CPLX2: variants seen among roughly 807,000 people sequenced by gnomAD.
CPLX2 encodes the protein complexin 2, also known as complexin-2.
In CPLX2, 5 loss-of-function variants were observed where a neutral mutation model predicts 16.3. The observed-to-expected ratio is 0.31, with a 90% CI of 0.16 to 0.64. CPLX2 has a LOEUF of 0.64. Ranked by LOEUF, CPLX2 falls within the 30% of genes least tolerant of loss-of-function variation. CPLX2 has a pLI of 0.79. For missense variants in CPLX2, 144 were observed against 181.4 expected (o/e 0.79, Z 1.18); for synonymous variants, 89 against 73.2 (o/e 1.22, Z -1.10).
intron 2 of CPLX2, among the ~76,000 whole-genome samples, chr5:175,848,677 G>A (rs1759096181): frequency 6.6e-6 from 1 of 152,168 alleles, no homozygotes; most frequent in Non-Finnish European, 1.5e-5. Context: ...TCCAGACAGT[G>A]GCAAGTACTA....
At chr5:175,847,180 G>T (rs751589321) in intron 2 of CPLX2, among the ~76,000 whole-genome samples, 1 of 152,238 alleles carries the variant, frequency 6.6e-6, no homozygotes. Flanking sequence ...TTCTGAGCAG[G>T]GGAGTGCTGT....
intron 1 of CPLX2, among the ~76,000 whole-genome samples, chr5:175,802,352 T>A (rs372539270): frequency 6.6e-6 from 1 of 152,180 alleles, no homozygotes; most frequent in Non-Finnish European, 1.5e-5. Flanking sequence ...CAAGCATTGC[T>A]GCATAGGGTT....
chr5:175,878,770 G>A lies in CPLX2; in HGVS notation c.31G>A (p.Gly11Arg). The A allele has an allele frequency of 1.2e-6, 2 of 1,613,486 alleles. No individual in the cohort carries two copies. The highest frequency in any genetic ancestry group is 1.7e-6 in the Non-Finnish European group (2 of 1,179,886). MDFVMKQALG[G>R]ATKDMGKMLG... ...CTTCGTCATGAAGCAGGCCCTTGGA[G>A]GTGAGGTCCAGCGCCCCTCCGCGTG... The change falls in exon 2 of 4, where the codon GGG (glycine) becomes AGG (arginine). Residue 11 changes from glycine (G) to arginine (R), a missense_variant and splice_region_variant. Physicochemically the swap from Gly to Arg is moderately radical, Grantham distance 125 (BLOSUM62 -2). Coordinates refer to ENST00000393745, the MANE Select transcript of CPLX2 (RefSeq NM_001008220.2).
At chr5:175,841,727 A>G (rs898567826) in intron 2 of CPLX2, among the ~76,000 whole-genome samples, 2 of 152,084 alleles carry the variant, frequency 1.3e-5, no homozygotes, top group Non-Finnish European at 2.9e-5. Context: ...TTTGCCTTAG[A>G]TCAGATTGGC....
intron 2 of CPLX2, among the ~76,000 whole-genome samples, chr5:175,820,152 T>G (rs564122639): frequency 5.6e-4 from 85 of 152,302 alleles, no homozygotes; most frequent in Non-Finnish European, 1.1e-3. Context: ...ACCCACCGTG[T>G]GGCCCTGGAC....
intron 2 of CPLX2, 61 bp downstream of exon 2, chr5:175,878,831 C>T: frequency 2.5e-6 from 4 of 1,607,644 alleles, no homozygotes; most frequent in Non-Finnish European, 3.4e-6. Context: ...GAGGTGGCCT[C>T]GGCCCACCCG....
rs1016792439 is a variant in CPLX2 at position 175,876,477 on chromosome 5, A to G, written c.-88-2175A>G. 2.0e-5 allele frequency among the ~76,000 whole-genome samples: 3 copies of G among 151,356 alleles called. No individual in the cohort carries two copies. In the South Asian group the frequency reaches 6.3e-4, roughly 32 times the overall value. ...AAAAGAGGAGAGGAGAGGAAACAGT[A>G]AGGGGAAGCAGGGATAGGAAAGAAC... On this transcript the variant is annotated intron_variant, in intron 1 of 3. Coordinates refer to ENST00000393745, the MANE Select transcript of CPLX2 (RefSeq NM_001008220.2).
At chr5:175,827,261 C>T (rs1466672881) in intron 2 of CPLX2, among the ~76,000 whole-genome samples, 1 of 152,226 alleles carries the variant, frequency 6.6e-6, no homozygotes, top group Non-Finnish European at 1.5e-5. Context: ...TCACCCTCAA[C>T]TAAACCTCAC....
intron 2 of CPLX2, among the ~76,000 whole-genome samples, chr5:175,862,223 C>T (rs1265928705): frequency 2.0e-5 from 3 of 152,184 alleles, no homozygotes; most frequent in African/African-American, 7.2e-5. Flanking sequence ...AGGACTCCCT[C>T]CTCTTCAGTG....
chr5:175,812,379 C>G (rs780841936), intron 2 of CPLX2, among the ~76,000 whole-genome samples: 3 of 152,222 alleles, frequency 2.0e-5, no homozygotes, highest in Non-Finnish European at 2.9e-5. Flanking sequence ...CTGTCTCTCA[C>G]ACGGGTCTGG....
intron 2 of CPLX2, among the ~76,000 whole-genome samples, chr5:175,844,134 C>T (rs1265911895): frequency 6.6e-6 from 1 of 152,212 alleles, no homozygotes; most frequent in Non-Finnish European, 1.5e-5. Context: ...ATCTAGGGAC[C>T]ATCTTGAGGA....
At chr5:175,842,109 G>GGA (rs894012705) in intron 2 of CPLX2, among the ~76,000 whole-genome samples, 4 of 152,220 alleles carry the variant, frequency 2.6e-5, no homozygotes, top group African/African-American at 9.6e-5. Context: ...GGGCCATGAA[G>GGA]GAGGACACAC....
At position 175,830,991 on chromosome 5, in the gene CPLX2, G is replaced by C. The variant is rs562718252; in HGVS notation, c.-89+21923G>C. Among the ~76,000 whole-genome samples the C allele has an allele frequency of 6.6e-6, 1 of 152,230 alleles. No homozygotes were observed. The highest frequency in any genetic ancestry group is 1.5e-5 in the Non-Finnish European group (1 of 68,042). ...ATTGTGAGCATGGCTGGGGGTGCGC[G>C]TGTGTGCTCATGGCAGCTGAGTGTC... On this transcript the variant is annotated intron_variant, in intron 2 of 4. Transcript: ENST00000359546. This position sits in a 1 kb window ranked among gnomAD's most constrained non-coding sequence, Gnocchi z 4.0.
Position 175,878,937 on chromosome 5 carries a change from G to C in CPLX2, c.61G>C (p.Gly21Arg). The C allele has an allele frequency of 1.2e-6, 2 of 1,612,698 alleles. No homozygotes were observed. The highest frequency in any genetic ancestry group is 1.3e-5 in the African/African-American group (1 of 75,006). Residue 21 changes from glycine (G) to arginine (R), a missense_variant, in exon 3 of 4, where the codon GGG (glycine) becomes CGG (arginine). Coordinates refer to ENST00000393745, the MANE Select transcript of CPLX2 (RefSeq NM_001008220.2). ...GATKDMGKML[G>R]GEEEKDPDAQ... ...CACAAAGGACATGGGGAAGATGCTG[G>C]GGGGAGAGGAGGAGAAGGACCCCGA...
Position 175,880,261 on chromosome 5 carries a change from GGGA to G in CPLX2, c.*220_*222del, listed in dbSNP as rs769311007. 5 of 668,956 alleles carry G rather than the reference GGGA, an allele frequency of 7.5e-6. No individual in the cohort carries two copies. Among genetic ancestry groups the G allele is most frequent in the Non-Finnish European group, 1.4e-5 (5 of 364,798 alleles). The allele number at this position is 668,956 out of a possible 1,614,324, so 41.4% of individuals were successfully genotyped here. ...CCCCACTCCCAAGTAGCTTGAAAAA[GGGA>G]GGACAGTCTTTCCCCAGCAGGGGTC... On this transcript the variant is annotated 3_prime_UTR_variant, in exon 4 of 4. Transcript: ENST00000393745.
upstream of CPLX2, among the ~76,000 whole-genome samples, chr5:175,870,528 C>G (rs1366116): frequency 1.3e-5 from 2 of 151,914 alleles, no homozygotes; most frequent in Non-Finnish European, 2.9e-5. Flanking sequence ...CCCTCCTCTC[C>G]GAAGCCATTT....
chr5:175,809,951 T>C lies in CPLX2; in HGVS notation c.-89+883T>C, dbSNP rs946336732. Among the ~76,000 whole-genome samples, 2 of 152,204 alleles carry C rather than the reference T, an allele frequency of 1.3e-5. No individual in the cohort carries two copies. Among genetic ancestry groups the C allele is most frequent in the African/African-American group, 4.8e-5 (2 of 41,442 alleles). ...ATCGCTCGATCGCTATAGATATCGT[T>C]GCTCATCCAGATGGGAGCTATTTAT... On this transcript the variant is annotated intron_variant, in intron 2 of 4. Transcript: ENST00000359546. The surrounding 1 kb of genome is among the most constrained non-coding windows in gnomAD (Gnocchi z 4.4).
At chr5:175,876,006 T>C (rs2113711819) in intron 1 of CPLX2, among the ~76,000 whole-genome samples, 1 of 151,984 alleles carries the variant, frequency 6.6e-6, no homozygotes, top group South Asian at 2.1e-4. Flanking sequence ...AAGGTGATAG[T>C]TTGGTGATAC....
intron 2 of CPLX2, among the ~76,000 whole-genome samples, chr5:175,852,859 G>A (rs963182872): frequency 6.6e-6 from 1 of 152,134 alleles, no homozygotes; most frequent in Non-Finnish European, 1.5e-5. Context: ...TGGCATCTCC[G>A]TGACTGTAGG....
Sources: allele counts gnomAD v4.1 joint callset (sites outside exome capture counted in the v4.1 genomes callset), GRCh38; gene constraint gnomAD v4.1.1; non-coding constraint Gnocchi (gnomAD v3.1); transcripts MANE v1.5; gene names NCBI Gene and HGNC (gene_info 2026-07-23, HGNC 2026-07-21).